The following THADA variants were observed in gnomAD, a reference collection of about 807,000 sequenced individuals.
THADA encodes tRNA (32-2'-O)-methyltransferase regulator THADA.
In THADA, 213 loss-of-function variants were observed where a neutral mutation model predicts 219.8. The ratio of observed to expected loss-of-function variants is 0.97; its 90% CI spans 0.87 to 1.09. The LOEUF is 1.09. Among genes scored for constraint, THADA ranks in the 50% least tolerant of loss-of-function variants. THADA has a pLI of 0.00. For missense variants in THADA, 2,956 were observed against 2,311.3 expected, an observed-to-expected ratio of 1.28 and a Z score of -5.72; for synonymous variants, 1,018 against 828.9, an observed-to-expected ratio of 1.23 and a Z score of -3.92.
In THADA at chr2:43,577,168, G is replaced by C. The variant is rs144885549; in HGVS notation, c.891C>G (p.Leu297=). ...CTGACTGAGAGATGTCACCACAACA[G>C]AGGCTCCTGCAGCTGCTCATAAACC... ...PEWFMSSCRS[L]CCGDISQSAV... Residue 297 remains leucine (L), a synonymous_variant, in exon 10 of 38, where the codon CTC becomes CTG. Coordinates refer to ENST00000405975, the MANE Select transcript of THADA (RefSeq NM_022065.5). 1.9e-6 allele frequency: 3 copies of C among 1,609,320 alleles called. No homozygotes were observed. Among genetic ancestry groups the C allele is most frequent in the Admixed American group, 3.4e-5 (2 of 59,316 alleles).
At chr2:43,497,730 C>T (rs997232632) in intron 25 of THADA, among the ~76,000 whole-genome samples, 1 of 151,976 alleles carries the variant, frequency 6.6e-6, no homozygotes, top group Admixed American at 6.6e-5. Flanking sequence ...ACCAAAAATA[C>T]AAAAATTAGC....
chr2:43,245,172 C>CTTCTTTTT (rs796699945), intron 36 of THADA, among the ~76,000 whole-genome samples: 9 of 103,094 alleles, frequency 8.7e-5, no homozygotes, highest in African/African-American at 4.5e-4. Flanking sequence ...CTTTCTTCTT[C>CTTCTTTTT]TTTTTTTTTT....
intron 20 of THADA, among the ~76,000 whole-genome samples, chr2:43,545,393 T>C (rs1695888656): frequency 6.6e-6 from 1 of 151,970 alleles, no homozygotes. Flanking sequence ...CCTCATAAAA[T>C]GAGTTAGGGA....
chr2:43,521,610 C>T (rs1288377512), intron 22 of THADA, among the ~76,000 whole-genome samples: 1 of 152,204 alleles, frequency 6.6e-6, no homozygotes, highest in Non-Finnish European at 1.5e-5. Context: ...GTGCTATGGC[C>T]TAAGCCCCTA....
At chr2:43,411,123 AT>A (rs1291702106) in intron 28 of THADA, among the ~76,000 whole-genome samples, 1 of 152,160 alleles carries the variant, frequency 6.6e-6, no homozygotes, top group East Asian at 1.9e-4. Context: ...AAACAAAAAA[AT>A]TTTTTTGGAC....
intron 30 of THADA, 38 bp from the exon 31 acceptor site, chr2:43,320,578 C>T: frequency 6.5e-7 from 1 of 1,530,022 alleles, no homozygotes; most frequent in Non-Finnish European, 9.0e-7. Context: ...TTGAGATTTT[C>T]TCTCCCTTAG....
intron 28 of THADA, among the ~76,000 whole-genome samples, chr2:43,427,061 T>G (rs993629006): frequency 1.3e-5 from 2 of 152,162 alleles, no homozygotes; most frequent in Non-Finnish European, 2.9e-5. Context: ...CCTGTTATAT[T>G]ATTTCATGAA....
intron 30 of THADA, among the ~76,000 whole-genome samples, chr2:43,336,342 G>C (rs1558600684): frequency 6.6e-6 from 1 of 151,966 alleles, no homozygotes; most frequent in Non-Finnish European, 1.5e-5. Context: ...CGCGATCTCG[G>C]CTCACCGTAA....
intron 29 of THADA, among the ~76,000 whole-genome samples, chr2:43,364,084 T>G (rs1262921986): frequency 6.6e-6 from 1 of 151,690 alleles, no homozygotes; most frequent in Non-Finnish European, 1.5e-5. Flanking sequence ...ATTATATGGG[T>G]GTGACGGTGT....
At position 43,232,863 on chromosome 2, in the gene THADA, C is replaced by T; in HGVS notation, c.5316G>A (p.Val1772=). Residue 1772 remains valine, a synonymous_variant, in exon 37 of 38, where the codon GTG becomes GTA. Transcript: ENST00000405975. ...CCAGGGCCAGAGCGATGGAGGCATC[C>T]ACCTGGCAGAAGGCAAACTCTGCAA... ...CQSTEFAFCQ[V]DASIALALAL... The T allele has an allele frequency of 1.2e-6, 2 of 1,610,596 alleles. No homozygotes were observed. Among genetic ancestry groups the T allele is most frequent in the East Asian group, 2.2e-5 (1 of 44,836 alleles).
At chr2:43,505,925 G>A (rs1370698811) in intron 23 of THADA, among the ~76,000 whole-genome samples, 190 bp from the exon 24 acceptor site, 1 of 152,100 alleles carries the variant, frequency 6.6e-6, no homozygotes, top group Non-Finnish European at 1.5e-5. Context: ...ATTCTTCATC[G>A]CTAAATTTAG....
At chr2:43,455,751 TA>T (rs1329226621) in intron 26 of THADA, among the ~76,000 whole-genome samples, 1 of 152,244 alleles carries the variant, frequency 6.6e-6, no homozygotes, top group African/African-American at 2.4e-5. Flanking sequence ...TTCCACTATG[TA>T]AATCTGAAAA....
chr2:43,255,557 G>A (rs1670219251), intron 36 of THADA, among the ~76,000 whole-genome samples: 2 of 152,162 alleles, frequency 1.3e-5, no homozygotes, highest in South Asian at 4.1e-4. Context: ...AAGGGATTGG[G>A]CCCCCCAGAA....
intron 20 of THADA, among the ~76,000 whole-genome samples, chr2:43,542,831 C>T (rs1183919455): frequency 3.9e-5 from 6 of 151,988 alleles, no homozygotes; most frequent in South Asian, 2.1e-4. Flanking sequence ...CACAACAGCA[C>T]CTAATAGGCT....
chr2:43,429,277 T>C (rs2104816867), intron 27 of THADA, among the ~76,000 whole-genome samples: 1 of 151,950 alleles, frequency 6.6e-6, no homozygotes, highest in Non-Finnish European at 1.5e-5. Context: ...TGGCTAATAT[T>C]TGTATTTTTA....
intron 29 of THADA, among the ~76,000 whole-genome samples, chr2:43,348,061 G>T (rs1437251900): frequency 6.6e-6 from 1 of 152,188 alleles, no homozygotes; most frequent in African/African-American, 2.4e-5. Flanking sequence ...GAAACCAGCG[G>T]CTCAAAACCA....
Position 43,428,096 on chromosome 2 carries a change from C to A in THADA, c.4058+4G>T, listed in dbSNP as rs1678725382. 3 of 1,604,694 alleles carry A rather than the reference C, an allele frequency of 1.9e-6. No individual in the cohort carries two copies. In the South Asian group the frequency reaches 3.3e-5, roughly 18 times the overall value. ...TAGACAATTTCTACACAGCATGACA[C>A]TACCTCATAATGAAGGGAACAAAAG... On this transcript the variant is annotated splice_donor_region_variant and intron_variant, in intron 28 of 37. Coordinates refer to ENST00000405975, the MANE Select transcript of THADA (RefSeq NM_022065.5).
At chr2:43,310,219 C>T (rs1319391032) in intron 31 of THADA, among the ~76,000 whole-genome samples, 5 of 87,038 alleles carry the variant, frequency 5.7e-5, no homozygotes, top group African/African-American at 1.6e-4. Flanking sequence ...CCCTCCCTCC[C>T]TTTCCCGCCC....
At chr2:43,474,563 A>G (rs1045471876) in intron 26 of THADA, among the ~76,000 whole-genome samples, 2 of 152,224 alleles carry the variant, frequency 1.3e-5, no homozygotes, top group Admixed American at 1.3e-4. Flanking sequence ...TGCTGAATGA[A>G]TGATGAAGAA....
Sources: gnomAD v4.1 joint callset for allele counts (sites outside exome capture counted in the v4.1 genomes callset) on GRCh38, gnomAD v4.1.1 for gene constraint, MANE v1.5 for transcripts, NCBI Gene and HGNC (gene_info 2026-07-23, HGNC 2026-07-21) for gene names.